Variants in JAK2 observed in about 807,000 individuals in gnomAD.
JAK2 encodes the protein Janus kinase 2.
In JAK2, 86 loss-of-function variants were observed where a neutral mutation model predicts 139.3. The ratio of observed to expected loss-of-function variants is 0.62; its 90% CI spans 0.52 to 0.74. JAK2 has a LOEUF of 0.74. Ranked by LOEUF, JAK2 falls within the 30% of genes least tolerant of loss-of-function variation. JAK2 has a pLI of 0.00. For missense variants in JAK2, 1,421 were observed against 1,360.3 expected, an observed-to-expected ratio of 1.04 and a Z score of -0.70; for synonymous variants, 490 against 437.7, an observed-to-expected ratio of 1.12 and a Z score of -1.49.
chr9:5,068,005 C>G (rs1295882433), intron 10 of JAK2, among the ~76,000 whole-genome samples: 1 of 151,804 alleles, frequency 6.6e-6, no homozygotes, highest in East Asian at 1.9e-4. Context: ...ACCAAAATTA[C>G]AAAAATTAGC....
chr9:5,084,773 C>T (rs752080802), intron 19 of JAK2, among the ~76,000 whole-genome samples: 3 of 152,060 alleles, frequency 2.0e-5, no homozygotes, highest in Non-Finnish European at 4.4e-5. Flanking sequence ...CATCAAGACA[C>T]CTCAATTAGA....
intron 22 of JAK2, chr9:5,111,497 G>A: frequency 2.7e-6 from 1 of 369,830 alleles, no homozygotes; most frequent in Non-Finnish European, 5.3e-6. Flanking sequence ...CGGTAGGGAT[G>A]CCGCCGCCTA....
At chr9:5,031,479 T>G (rs1204827356) in intron 4 of JAK2, among the ~76,000 whole-genome samples, 1 of 152,198 alleles carries the variant, frequency 6.6e-6, no homozygotes, top group Non-Finnish European at 1.5e-5. Context: ...AGGGAGAGAT[T>G]AGTCAACAAA....
Position 5,069,980 on chromosome 9 carries a change from A to G in JAK2, c.1569A>G (p.Ser523=). 1.2e-6 allele frequency: 2 copies of G among 1,608,298 alleles called. No individual in the cohort carries two copies. Among genetic ancestry groups the G allele is most frequent in the Non-Finnish European group, 1.7e-6 (2 of 1,175,698 alleles). Residue 523 remains serine (S), a synonymous_variant, in exon 12 of 25, where the codon TCA becomes TCG. Coordinates refer to ENST00000381652, the MANE Select transcript of JAK2 (RefSeq NM_004972.4). The stretch of plus-strand genomic sequence containing the variant: ...ATGGTGTTTCTGATGTACCAACCTC[A>G]CCAACATTACAGAGGCCTACTCATA... The part of the protein sequence containing the change: ...RTNGVSDVPT[S]PTLQRPTHMN...
intron 14 of JAK2, among the ~76,000 whole-genome samples, chr9:5,074,493 C>G (rs1040909017): frequency 3.3e-5 from 5 of 152,064 alleles, no homozygotes; most frequent in Admixed American, 1.3e-4. Flanking sequence ...GATCTGTGAT[C>G]AGTAATCTTT....
intron 14 of JAK2, among the ~76,000 whole-genome samples, chr9:5,075,387 G>A (rs1005678859): frequency 1.3e-5 from 2 of 152,148 alleles, no homozygotes; most frequent in African/African-American, 4.8e-5. Flanking sequence ...TGCCTTCAAA[G>A]CTTCGAAGGA....
intron 22 of JAK2, chr9:5,112,342 T>C: frequency 3.0e-6 from 1 of 328,992 alleles, no homozygotes; most frequent in Admixed American, 4.0e-5. Flanking sequence ...TCTCTTGGCC[T>C]TCCGACTCCT....
chr9:5,067,311 G>A (rs1818638988), intron 10 of JAK2, among the ~76,000 whole-genome samples: 1 of 152,076 alleles, frequency 6.6e-6, no homozygotes, highest in African/African-American at 2.4e-5. Flanking sequence ...CGGTAAAACT[G>A]CAATGAAACC....
At chr9:5,081,963 T>C in intron 19 of JAK2, 102 bp downstream of exon 19, 1 of 969,036 alleles carries the variant, frequency 1.0e-6, no homozygotes, top group Non-Finnish European at 1.6e-6. Context: ...TAAGGAGTGC[T>C]TGTAGAAAAA....
intron 22 of JAK2, chr9:5,112,663 G>A: frequency 4.2e-6 from 4 of 957,518 alleles, no homozygotes; most frequent in Non-Finnish European, 1.5e-6. Context: ...TCCTTATCCT[G>A]CACCAGGCCG....
chr9:5,124,313 G>A (rs947736190), intron 23 of JAK2, among the ~76,000 whole-genome samples: 1 of 151,206 alleles, frequency 6.6e-6, no homozygotes, highest in African/African-American at 2.4e-5. Flanking sequence ...GTTTTCTCTA[G>A]GTTTTTTTTC....
rs774709145 is a variant in JAK2 at position 5,080,657 on chromosome 9, G to C, written c.2408G>C (p.Arg803Pro). 6.3e-7 allele frequency: 1 copy of C among 1,596,322 alleles called. No individual in the cohort carries two copies. Among genetic ancestry groups the C allele is most frequent in the Non-Finnish European group, 8.5e-7 (1 of 1,174,732 alleles). The change falls in exon 18 of 25, where the codon CGA (arginine) becomes CCA (proline). Residue 803 changes from arginine to proline, a missense_variant. Arg to Pro is a moderately radical substitution (Grantham distance 103). Coordinates refer to ENST00000381652, the MANE Select transcript of JAK2 (RefSeq NM_004972.4). The stretch of plus-strand genomic sequence containing the variant: ...AGGCCTTCTTTCAGAGCCATCATAC[G>C]AGATCTTAACAGTTTGTTTACTCCA... ...DFRPSFRAII[R>P]DLNSLFTPDY...
intron 5 of JAK2, among the ~76,000 whole-genome samples, chr9:5,046,137 A>G (rs1259500258): frequency 6.6e-6 from 1 of 152,196 alleles, no homozygotes; most frequent in Non-Finnish European, 1.5e-5. Context: ...AGTGATCATG[A>G]GCATCTTTTC....
intron 22 of JAK2, among the ~76,000 whole-genome samples, chr9:5,106,309 C>G (rs972344075): frequency 6.6e-5 from 10 of 152,242 alleles, no homozygotes; most frequent in Admixed American, 1.3e-4. Context: ...CTTATCATCA[C>G]TGGTCATCAG....
intron 22 of JAK2, chr9:5,112,036 T>C (rs1423038130): frequency 7.4e-6 from 3 of 405,970 alleles, no homozygotes; most frequent in African/African-American, 4.2e-5. Flanking sequence ...CCTGGTGCCT[T>C]ATCACCCAGC....
At chr9:5,111,017 G>A (rs1262508964) in intron 22 of JAK2, 6 of 777,946 alleles carry the variant, frequency 7.7e-6, no homozygotes, top group Middle Eastern at 3.6e-4. Context: ...GGGAAGGGCC[G>A]GCCCGCCTCC....
At chr9:5,048,094 C>A (rs1297273770) in intron 5 of JAK2, among the ~76,000 whole-genome samples, 2 of 152,078 alleles carry the variant, frequency 1.3e-5, no homozygotes, top group Admixed American at 6.6e-5. Flanking sequence ...ATCATGACTT[C>A]CATAGAATTT....
At chr9:5,037,637 C>T (rs1486097329) in intron 4 of JAK2, among the ~76,000 whole-genome samples, 2 of 152,086 alleles carry the variant, frequency 1.3e-5, no homozygotes, top group Non-Finnish European at 2.9e-5. Context: ...TGTTCTCACT[C>T]TTAGGTGGGA....
At position 5,022,170 on chromosome 9, in the gene JAK2, G is replaced by A. The variant is rs765467595; in HGVS notation, c.183G>A (p.Glu61=). 2 of 1,614,130 alleles carry A rather than the reference G, an allele frequency of 1.2e-6. No individual in the cohort carries two copies. Among genetic ancestry groups the A allele is most frequent in the Non-Finnish European group, 1.7e-6 (2 of 1,179,984 alleles). Residue 61 remains glutamate, a synonymous_variant, in exon 3 of 25, where the codon GAG becomes GAA. Transcript: ENST00000381652. ...EADYLTFPSG[E]YVAEEICIAA... Reference sequence around the variant, plus strand: ...ATTATCTGACCTTTCCATCTGGGGAGTATGTTGCAGAAGAAATCTGTATTG... The same window carrying A: ...ATTATCTGACCTTTCCATCTGGGGAATATGTTGCAGAAGAAATCTGTATTG...
Sources: allele counts gnomAD v4.1 joint callset (sites outside exome capture counted in the v4.1 genomes callset), GRCh38; gene constraint gnomAD v4.1.1; transcripts MANE v1.5; gene names NCBI Gene and HGNC (gene_info 2026-07-23, HGNC 2026-07-21).